Variants in PBRM1 observed in about 807,000 individuals in gnomAD.
PBRM1 encodes the protein protein polybromo-1.
Under a neutral mutation model 194.5 loss-of-function variants are expected in PBRM1, and 27 were observed. That is an observed-to-expected ratio of 0.14 (90% CI 0.10 to 0.19). The LOEUF is 0.19. Among genes scored for constraint, PBRM1 ranks in the 10% least tolerant of loss-of-function variants. PBRM1 has a pLI of 1.00. For missense variants in PBRM1, 1,466 were observed against 2,077.2 expected, an observed-to-expected ratio of 0.71 and a Z score of 5.72; for synonymous variants, 655 against 693.2, an observed-to-expected ratio of 0.94 and a Z score of 0.87.
At chr3:52,610,646 A>G (rs1284330638) in intron 15 of PBRM1, among the ~76,000 whole-genome samples, 1 of 152,212 alleles carries the variant, frequency 6.6e-6, no homozygotes, top group African/African-American at 2.4e-5. Flanking sequence ...TGTCAATAGA[A>G]TATAGGAACC....
chr3:52,607,990 T>G (rs2094434669), intron 16 of PBRM1, among the ~76,000 whole-genome samples: 1 of 152,238 alleles, frequency 6.6e-6, no homozygotes, highest in Non-Finnish European at 1.5e-5. Flanking sequence ...AAATATCCTC[T>G]GGCCTATTCA....
chr3:52,641,082 T>C (rs949098032), intron 10 of PBRM1, among the ~76,000 whole-genome samples: 4 of 152,176 alleles, frequency 2.6e-5, no homozygotes, highest in African/African-American at 9.7e-5. Context: ...TTATACATAA[T>C]AGCCTATAGT....
intron 8 of PBRM1, among the ~76,000 whole-genome samples, chr3:52,644,363 T>C (rs1226867720): frequency 1.3e-5 from 2 of 151,942 alleles, no homozygotes; most frequent in Non-Finnish European, 2.9e-5. Flanking sequence ...ACTCAGCAAA[T>C]ATAAAGGCAT....
chr3:52,642,628 A>C (rs1195520879), intron 9 of PBRM1, among the ~76,000 whole-genome samples: 47 of 142,844 alleles, frequency 3.3e-4, no homozygotes, highest in African/African-American at 1.1e-3. Context: ...AAAAAAAAAA[A>C]CCAAAAACCA....
chr3:52,614,618 T>C (rs993505892), intron 15 of PBRM1, among the ~76,000 whole-genome samples: 14 of 150,858 alleles, frequency 9.3e-5, no homozygotes, highest in African/African-American at 3.4e-4. Context: ...TCGCCCAGGC[T>C]GAAGTACAGT....
In PBRM1 at chr3:52,633,148, C is replaced by T. The variant is rs372299485; in HGVS notation, c.1301+1454G>A. ...TTAAACAGTAACTTCCTGTTTCCCT[C>T]TTCCCCTAGTCCCTGGCAACTACTA... On this transcript the variant is annotated intron_variant, in intron 11 of 29. Transcript: ENST00000296302. Among the ~76,000 whole-genome samples, 6 of 152,270 alleles carry T rather than the reference C, an allele frequency of 3.9e-5. 1 individual carries two copies. The highest frequency in any genetic ancestry group is 2.6e-4 in the Admixed American group (4 of 15,294).
intron 17 of PBRM1, among the ~76,000 whole-genome samples, chr3:52,595,065 G>A (rs762374114): frequency 2.1e-4 from 32 of 152,130 alleles, no homozygotes; most frequent in Non-Finnish European, 3.5e-4. Context: ...GGGATTCTCT[G>A]AGTTTCCTGA....
intron 20 of PBRM1, 23 bp downstream of exon 22, chr3:52,586,402 C>T (rs984745319): frequency 1.3e-6 from 2 of 1,566,234 alleles, no homozygotes; most frequent in South Asian, 1.2e-5. Context: ...AAAATTTTTT[C>T]TGTGTGGCTA....
At chr3:52,552,039 C>T (rs745574458) in intron 27 of PBRM1, 1 of 152,136 alleles carries the variant, frequency 6.6e-6, no homozygotes, top group East Asian at 1.9e-4. Flanking sequence ...GTTTAAAAAG[C>T]AGGGAGTTTT....
chr3:52,658,674 G>A (rs1005343216), intron 4 of PBRM1, among the ~76,000 whole-genome samples: 4 of 152,152 alleles, frequency 2.6e-5, no homozygotes, highest in Admixed American at 2.6e-4. Context: ...TTACAGGCAT[G>A]AGCCACTGTG....
intron 10 of PBRM1, 66 bp from the exon 12 acceptor site, chr3:52,634,881 T>C (rs1296274317): frequency 1.2e-5 from 13 of 1,083,222 alleles, no homozygotes; most frequent in Non-Finnish European, 1.7e-5. Flanking sequence ...TACTTTAAAG[T>C]TCATTTAACA....
intron 6 of PBRM1, among the ~76,000 whole-genome samples, chr3:52,649,369 G>A (rs1217890771): frequency 6.6e-6 from 1 of 152,148 alleles, no homozygotes; most frequent in East Asian, 1.9e-4. Flanking sequence ...TGGGTCTAAA[G>A]GGATTAATGC....
chr3:52,672,965 T>G (rs2044502264), intron 2 of PBRM1, among the ~76,000 whole-genome samples: 1 of 152,060 alleles, frequency 6.6e-6, no homozygotes, highest in Non-Finnish European at 1.5e-5. Context: ...AATACAGTCT[T>G]AAGAGCTATT....
At chr3:52,618,938 A>G (rs1030673764) in intron 13 of PBRM1, among the ~76,000 whole-genome samples, 3 of 152,200 alleles carry the variant, frequency 2.0e-5, no homozygotes, top group Non-Finnish European at 4.4e-5. Context: ...TTTCGTAGAC[A>G]GGGTTTCTCC....
intron 13 of PBRM1, among the ~76,000 whole-genome samples, chr3:52,624,573 A>T (rs2095383718): frequency 6.6e-6 from 1 of 152,228 alleles, no homozygotes; most frequent in Admixed American, 6.5e-5. Context: ...AAAGGGAATC[A>T]GCACCTGCCA....
rs2092409335 is a variant in PBRM1 at position 52,586,498 on chromosome 3, T to C, written c.3314A>G (p.Asp1105Gly). ...TGTATTCTTCTCATCATCACCTTTA[T>C]CTGCATTTGCAAATACAGAGGCCAC... The change falls in exon 20 of 30, where the codon GAT (aspartate) becomes GGT (glycine). Residue 1105 changes from aspartate to glycine, a missense_variant. Coordinates refer to ENST00000296302, the Ensembl canonical transcript of PBRM1. The C allele has an allele frequency of 3.1e-6, 5 of 1,614,022 alleles. No individual in the cohort carries two copies. The Admixed American group carries it at 8.3e-5, about 27-fold the overall frequency.
At chr3:52,546,176 G>C, downstream of PBRM1, 1 of 232,148 alleles carries the variant, frequency 4.3e-6, no homozygotes, top group Non-Finnish European at 8.5e-6. Context: ...CAGACCTTAA[G>C]GGAAATAAAA....
intron 16 of PBRM1, among the ~76,000 whole-genome samples, chr3:52,607,239 T>C (rs3774366): frequency 0.46 from 69,319 of 151,958 alleles, 16,161 homozygotes; most frequent in African/African-American, 0.52. Flanking sequence ...ATACTATCTT[T>C]GTTCACAAAG....
chr3:52,549,287 T>TG (rs968394690), intron 29 of PBRM1, among the ~76,000 whole-genome samples: 5 of 152,086 alleles, frequency 3.3e-5, no homozygotes, highest in African/African-American at 1.2e-4. Context: ...CCCAAAGTGC[T>TG]GGGATTACAG....
Sources: gnomAD v4.1 joint callset for allele counts (sites outside exome capture counted in the v4.1 genomes callset) on GRCh38, gnomAD v4.1.1 for gene constraint, MANE v1.5 for transcripts, NCBI Gene and HGNC (gene_info 2026-07-23, HGNC 2026-07-21) for gene names.